Variants in FAT3 observed in about 807,000 individuals in gnomAD.
FAT3 encodes protocadherin Fat 3.
FAT3 carries 95 observed loss-of-function variants against 310.2 expected under a neutral mutation model. That is an observed-to-expected ratio of 0.31 (90% confidence interval 0.26 to 0.36). The LOEUF is 0.36. Among genes scored for constraint, FAT3 ranks in the 10% least tolerant of loss-of-function variants. The probability of loss-of-function intolerance (pLI) is 1.00; values close to 1 mark genes in which losing one functional copy is unlikely to be tolerated. For missense variants in FAT3, 5,408 were observed against 5,715.6 expected (o/e 0.95, Z 1.74); for synonymous variants, 2,314 against 2,192.9 (o/e 1.06, Z -1.54).
intron 1 of FAT3, among the ~76,000 whole-genome samples, chr11:92,342,882 CT>C (rs1297178493): frequency 5.3e-5 from 8 of 151,566 alleles, no homozygotes; most frequent in East Asian, 1.9e-4. Context: ...CCTCTCCTTA[CT>C]TTTTTTTTCT....
intron 2 of FAT3, among the ~76,000 whole-genome samples, chr11:92,372,846 G>C (rs112722620): frequency 0.06 from 9,074 of 152,024 alleles, 435 homozygotes; most frequent in African/African-American, 0.12. Flanking sequence ...ATTTTTAGTA[G>C]AGATGGGATT....
At chr11:92,422,253 G>C (rs1950547343) in intron 2 of FAT3, among the ~76,000 whole-genome samples, 1 of 152,040 alleles carries the variant, frequency 6.6e-6, no homozygotes, top group African/African-American at 2.4e-5. Context: ...TTTTCTCCTT[G>C]TTCAAGTTCC....
Position 92,352,650 on chromosome 11 carries a change from G to A in FAT3, c.538G>A (p.Val180Met). The change falls in exon 2 of 28, where the codon GTG becomes ATG. Residue 180 changes from valine to methionine, a missense_variant. Coordinates refer to ENST00000525166, the MANE Select transcript of FAT3 (RefSeq NM_001367949.2). ...STPLRTSVAQ[V>M]TATDADIGSN... ...ACCTCTAAGGACTAGTGTTGCCCAGGTGACTGCAACAGACGCAGATATTGG... is the reference window on the plus strand; with the variant it reads ...ACCTCTAAGGACTAGTGTTGCCCAGATGACTGCAACAGACGCAGATATTGG... The A allele has an allele frequency of 6.2e-7, 1 of 1,613,806 alleles. No individual in the cohort carries two copies. The highest frequency in any genetic ancestry group is 1.3e-5 in the African/African-American group (1 of 75,022).
intron 7 of FAT3, among the ~76,000 whole-genome samples, chr11:92,775,742 A>G (rs1591716716): frequency 6.6e-6 from 1 of 152,242 alleles, no homozygotes; most frequent in African/African-American, 2.4e-5. Flanking sequence ...GTTTTCTAAA[A>G]TATGAAATTC....
intron 1 of FAT3, among the ~76,000 whole-genome samples, chr11:92,345,833 A>G (rs566223303): frequency 7.9e-4 from 120 of 152,176 alleles, no homozygotes; most frequent in Non-Finnish European, 1.6e-3. Context: ...TTCAAATCAC[A>G]TAACCTGTCT....
chr11:92,597,562 A>G lies in FAT3; in HGVS notation c.3607+72614A>G, dbSNP rs936014670. On this transcript the variant is annotated intron_variant, in intron 3 of 27. Coordinates refer to ENST00000525166, the MANE Select transcript of FAT3 (RefSeq NM_001367949.2). ...TTCTTTGGCTGCTTGTGTGGAGAGCAGCAGTAAGAGGTTTGCCATATTCCT... is the reference window on the plus strand; with the variant it reads ...TTCTTTGGCTGCTTGTGTGGAGAGCGGCAGTAAGAGGTTTGCCATATTCCT... Among the ~76,000 whole-genome samples the G allele has an allele frequency of 4.6e-5, 7 of 152,198 alleles. No homozygotes were observed. In the East Asian group the frequency reaches 1.2e-3, roughly 25 times the overall value.
chr11:92,751,157 G>T (rs551872269), intron 4 of FAT3, among the ~76,000 whole-genome samples: 16 of 152,188 alleles, frequency 1.1e-4, no homozygotes, highest in South Asian at 4.1e-4. Context: ...CCCATGGGGT[G>T]GGGCAAGCAT....
intron 2 of FAT3, among the ~76,000 whole-genome samples, chr11:92,379,051 A>G (rs1949423705): frequency 6.6e-6 from 1 of 152,114 alleles, no homozygotes; most frequent in Admixed American, 6.5e-5. Context: ...TGTTTTTCCC[A>G]TTTAGATCTT....
intron 4 of FAT3, among the ~76,000 whole-genome samples, chr11:92,723,428 A>T (rs560167314): frequency 6.6e-6 from 1 of 152,242 alleles, no homozygotes; most frequent in Admixed American, 6.5e-5. Context: ...GCCATTAAAC[A>T]AGTCTCTAGG....
At chr11:92,643,277 G>A (rs1942031604) in intron 3 of FAT3, among the ~76,000 whole-genome samples, 1 of 152,190 alleles carries the variant, frequency 6.6e-6, no homozygotes, top group Non-Finnish European at 1.5e-5. Context: ...AAGCAAAGGG[G>A]CATTTAAGAT....
chr11:92,732,280 T>C (rs1945204727), intron 4 of FAT3, among the ~76,000 whole-genome samples: 1 of 152,074 alleles, frequency 6.6e-6, no homozygotes, highest in South Asian at 2.1e-4. Context: ...AAGATCAAAA[T>C]AAAATTTGAG....
At chr11:92,615,933 C>T (rs555629414) in intron 3 of FAT3, among the ~76,000 whole-genome samples, 33 of 152,270 alleles carry the variant, frequency 2.2e-4, no homozygotes, top group African/African-American at 7.5e-4. Context: ...TGATGTGGTG[C>T]TGAGAAGAAT....
At chr11:92,540,200 T>G (rs1954398927) in intron 3 of FAT3, among the ~76,000 whole-genome samples, 1 of 152,174 alleles carries the variant, frequency 6.6e-6, no homozygotes, top group Admixed American at 6.5e-5. Flanking sequence ...TTGCTGCTTC[T>G]CATCTGCGGA....
At chr11:92,305,003 T>C (rs1014665946) in intron 1 of FAT3, among the ~76,000 whole-genome samples, 2 of 152,178 alleles carry the variant, frequency 1.3e-5, no homozygotes, top group African/African-American at 4.8e-5. Context: ...GTCTCCTTAA[T>C]AGACATTTGT....
In FAT3 at chr11:92,423,027, A is replaced by G. The variant is rs142113899; in HGVS notation, c.3292+67623A>G. On this transcript the variant is annotated intron_variant, in intron 2 of 27. Coordinates refer to ENST00000525166, the MANE Select transcript of FAT3 (RefSeq NM_001367949.2). ...ACTAAAGGACAATGGCTCTGGAATC[A>G]TATTTCTATTTGATGTGTTTACACT... Among the ~76,000 whole-genome samples, 188 of 152,336 alleles carry G rather than the reference A, an allele frequency of 1.2e-3. 1 individual carries two copies. The highest frequency in any genetic ancestry group is 4.2e-3 in the African/African-American group (176 of 41,588).
At chr11:92,739,158 A>G (rs1225153539) in intron 4 of FAT3, among the ~76,000 whole-genome samples, 1 of 152,186 alleles carries the variant, frequency 6.6e-6, no homozygotes, top group African/African-American at 2.4e-5. Context: ...CCTGGATTGC[A>G]GTGATATGTC....
intron 2 of FAT3, among the ~76,000 whole-genome samples, chr11:92,470,992 C>T (rs746566290): frequency 1.3e-5 from 2 of 152,092 alleles, no homozygotes; most frequent in Non-Finnish European, 2.9e-5. Context: ...TTTTTTGCAA[C>T]CTGCTTTTTT....
intron 3 of FAT3, among the ~76,000 whole-genome samples, chr11:92,645,278 A>G (rs1450205273): frequency 6.6e-6 from 1 of 152,202 alleles, no homozygotes; most frequent in East Asian, 1.9e-4. Flanking sequence ...GAAAACCATA[A>G]ATACAAAAGA....
chr11:92,232,266 T>TA (rs887573330), intron 1 of FAT3, among the ~76,000 whole-genome samples: 40 of 148,972 alleles, frequency 2.7e-4, no homozygotes, highest in Admixed American at 1.5e-3. Context: ...ACTTTCCACT[T>TA]AAAAAAAAAA....
Sources: allele counts gnomAD v4.1 joint callset (sites outside exome capture counted in the v4.1 genomes callset), GRCh38; gene constraint gnomAD v4.1.1; transcripts MANE v1.5; gene names NCBI Gene and HGNC (gene_info 2026-07-23, HGNC 2026-07-21).